The following RALA variants were observed in gnomAD, a reference collection of about 807,000 sequenced individuals.
RALA encodes the protein ras-related protein Ral-A.
In RALA, 5 loss-of-function variants were observed where a neutral mutation model predicts 24.0. That is an observed-to-expected ratio of 0.21 (90% CI 0.11 to 0.44). The LOEUF (loss-of-function observed/expected upper bound fraction) is 0.44, where lower values mean the gene tolerates loss of function less well. RALA is among the 20% of genes least tolerant of loss of function. RALA has a pLI of 0.99. For missense variants in RALA, 95 were observed against 241.2 expected (o/e 0.39, Z 4.01); for synonymous variants, 77 against 83.8 (o/e 0.92, Z 0.44).
chr7:39,686,296 G>A (rs530802710), intron 1 of RALA, among the ~76,000 whole-genome samples: 12 of 151,718 alleles, frequency 7.9e-5, no homozygotes, highest in Non-Finnish European at 1.3e-4. Flanking sequence ...GCCTGCTTTC[G>A]TATCTGTGTG....
intron 1 of RALA, among the ~76,000 whole-genome samples, chr7:39,676,892 G>A (rs1792496034): frequency 6.6e-6 from 1 of 152,190 alleles, no homozygotes; most frequent in African/African-American, 2.4e-5. Flanking sequence ...AGTAGGCTGA[G>A]TAATGGCCCC....
chr7:39,674,087 A>AAATG (rs1368646326), intron 1 of RALA, among the ~76,000 whole-genome samples: 6 of 145,926 alleles, frequency 4.1e-5, no homozygotes, highest in Non-Finnish European at 9.0e-5. Context: ...ATAAATAAAT[A>AAATG]AAAGGTTGAG....
At chr7:39,628,343 T>G (rs545249415) in intron 1 of RALA, among the ~76,000 whole-genome samples, 57 of 151,496 alleles carry the variant, frequency 3.8e-4, no homozygotes, top group African/African-American at 1.3e-3. Flanking sequence ...TATTGTAAAT[T>G]TTGTTGACAG....
At chr7:39,693,356 G>A (rs1792864745) in intron 3 of RALA, among the ~76,000 whole-genome samples, 1 of 152,130 alleles carries the variant, frequency 6.6e-6, no homozygotes, top group Non-Finnish European at 1.5e-5. Flanking sequence ...CTCATAGGTG[G>A]GAATTGAACA....
At chr7:39,647,797 G>A (rs558906298) in intron 1 of RALA, among the ~76,000 whole-genome samples, 2 of 152,310 alleles carry the variant, frequency 1.3e-5, no homozygotes, top group South Asian at 4.1e-4. Context: ...GTCCTCACCA[G>A]ACACCGAATG....
intron 1 of RALA, among the ~76,000 whole-genome samples, chr7:39,682,745 C>T (rs765043945): frequency 6.6e-6 from 1 of 152,154 alleles, no homozygotes; most frequent in African/African-American, 2.4e-5. Context: ...TGAGTTCAAA[C>T]GATTCTCCTG....
At chr7:39,663,180 AT>A (rs1258179103) in intron 1 of RALA, among the ~76,000 whole-genome samples, 5 of 152,240 alleles carry the variant, frequency 3.3e-5, no homozygotes, top group Non-Finnish European at 7.3e-5. Flanking sequence ...ACCAAATCAT[AT>A]CACATACAAA....
intron 2 of RALA, among the ~76,000 whole-genome samples, chr7:39,689,326 A>G (rs1274433017): frequency 6.6e-6 from 1 of 152,220 alleles, no homozygotes; most frequent in Admixed American, 6.5e-5. Context: ...GACTAAGCAC[A>G]TTAATAGCAT....
At chr7:39,660,786 G>T (rs1792173328) in intron 1 of RALA, among the ~76,000 whole-genome samples, 1 of 152,054 alleles carries the variant, frequency 6.6e-6, no homozygotes, top group Non-Finnish European at 1.5e-5. Context: ...TTGAAAACAA[G>T]ATAGGTATAT....
chr7:39,706,784 C>T lies in RALA; in HGVS notation c.*539C>T, dbSNP rs1793127455. 6.6e-6 allele frequency: 1 copy of T among 152,440 alleles called. No homozygotes were observed. The allele number at this position is 152,440 out of a possible 1,614,324, so 9.4% of individuals were successfully genotyped here. A position where few individuals can be genotyped will look rare whatever the true frequency, so the allele number is the denominator to read the frequency against. The stretch of plus-strand genomic sequence containing the variant: ...TTCATCTGTGAATCTGCTTTAATTA[C>T]CTGGTGAGTAACTTAGAAAAGTGGT... On this transcript the variant is annotated 3_prime_UTR_variant, in exon 5 of 5. Transcript: ENST00000005257.
chr7:39,646,613 C>G (rs1411100656), intron 1 of RALA, among the ~76,000 whole-genome samples: 2 of 152,200 alleles, frequency 1.3e-5, no homozygotes, highest in African/African-American at 4.8e-5. Context: ...AGTAACAGAG[C>G]AAGACCCTGT....
At chr7:39,637,252 C>G (rs771754284) in intron 1 of RALA, among the ~76,000 whole-genome samples, 2 of 152,094 alleles carry the variant, frequency 1.3e-5, no homozygotes, top group Non-Finnish European at 2.9e-5. Context: ...ATATTTCTGT[C>G]CCTATTAACA....
At chr7:39,660,474 C>A (rs1792168436) in intron 1 of RALA, among the ~76,000 whole-genome samples, 1 of 152,054 alleles carries the variant, frequency 6.6e-6, no homozygotes, top group South Asian at 2.1e-4. Flanking sequence ...TGAATTTTAT[C>A]CAATGCTTAT....
intron 1 of RALA, among the ~76,000 whole-genome samples, chr7:39,640,509 G>C (rs918947610): frequency 6.6e-6 from 1 of 152,112 alleles, no homozygotes; most frequent in Non-Finnish European, 1.5e-5. Context: ...TTACTGAGTT[G>C]TAAGAGTTTG....
At chr7:39,643,258 A>G (rs1791852416) in intron 1 of RALA, among the ~76,000 whole-genome samples, 1 of 152,250 alleles carries the variant, frequency 6.6e-6, no homozygotes, top group South Asian at 2.1e-4. Context: ...TATCTGATGC[A>G]TAAGAGAATA....
At chr7:39,638,114 G>A in intron 1 of RALA, among the ~76,000 whole-genome samples, 1 of 151,916 alleles carries the variant, frequency 6.6e-6, no homozygotes, top group South Asian at 2.1e-4. Context: ...GTCTTATTCT[G>A]TCACTTAGGC....
intron 1 of RALA, among the ~76,000 whole-genome samples, chr7:39,675,522 A>G (rs1330483936): frequency 2.6e-5 from 4 of 152,170 alleles, no homozygotes; most frequent in Non-Finnish European, 5.9e-5. Context: ...GCTCGAGCCC[A>G]GGCGTTCAAG....
intron 4 of RALA, among the ~76,000 whole-genome samples, chr7:39,705,877 A>T (rs1793113750): frequency 6.6e-6 from 1 of 152,078 alleles, no homozygotes; most frequent in Non-Finnish European, 1.5e-5. Flanking sequence ...GAACAGAAAG[A>T]TCAGGTTTTA....
At chr7:39,628,543 A>G (rs1231872244) in intron 1 of RALA, among the ~76,000 whole-genome samples, 3 of 152,134 alleles carry the variant, frequency 2.0e-5, no homozygotes, top group Non-Finnish European at 4.4e-5. Context: ...AGAAACACCT[A>G]ACAGTTTAAT....
Sources: allele counts gnomAD v4.1 joint callset (sites outside exome capture counted in the v4.1 genomes callset), GRCh38; gene constraint gnomAD v4.1.1; transcripts MANE v1.5; gene names NCBI Gene and HGNC (gene_info 2026-07-23, HGNC 2026-07-21).